The following THRB variants were observed in gnomAD, a reference collection of about 807,000 sequenced individuals.
THRB encodes nuclear receptor subfamily 1 group A member 2.
THRB carries 12 observed loss-of-function variants against 47.8 expected under a neutral mutation model. The observed-to-expected ratio is 0.25, with a 90% confidence interval of 0.16 to 0.41. The LOEUF (loss-of-function observed/expected upper bound fraction) is 0.41, where lower values mean the gene tolerates loss of function less well. Among genes scored for constraint, THRB ranks in the 10% least tolerant of loss-of-function variants. The pLI, the probability that THRB is intolerant of heterozygous loss-of-function variation, is 1.00. For synonymous variants in THRB, 218 were observed against 212.2 expected (o/e 1.03, Z -0.24); for missense variants, 348 against 589.2 (o/e 0.59, Z 4.24).
At chr3:24,403,748 G>C (rs556903675) in intron 1 of THRB, among the ~76,000 whole-genome samples, 1 of 151,920 alleles carries the variant, frequency 6.6e-6, no homozygotes, top group Non-Finnish European at 1.5e-5. Flanking sequence ...TCCAAGTGAC[G>C]AAAGGGCAAG....
intron 10 of THRB, among the ~76,000 whole-genome samples, chr3:24,123,697 A>C (rs2032148237): frequency 6.6e-6 from 1 of 152,178 alleles, no homozygotes; most frequent in Admixed American, 6.5e-5. Flanking sequence ...GCCTTTAGTA[A>C]AATTGCTACC....
At chr3:24,387,678 A>G (rs1443627190) in intron 1 of THRB, among the ~76,000 whole-genome samples, 1 of 152,170 alleles carries the variant, frequency 6.6e-6, no homozygotes, top group Non-Finnish European at 1.5e-5. Flanking sequence ...GTGCATCATT[A>G]CATTCCATTA....
chr3:24,424,024 T>C (rs1196754584), intron 1 of THRB, among the ~76,000 whole-genome samples: 1 of 151,944 alleles, frequency 6.6e-6, no homozygotes, highest in Non-Finnish European at 1.5e-5. Flanking sequence ...TATAGTTCAG[T>C]TAACTTAAGA....
At chr3:24,201,952 A>G (rs562205018) in intron 4 of THRB, among the ~76,000 whole-genome samples, 1 of 152,296 alleles carries the variant, frequency 6.6e-6, no homozygotes, top group South Asian at 2.1e-4. Flanking sequence ...TTTTCATGAT[A>G]ACTCTATGAA....
chr3:24,383,520 C>A (rs886567867), intron 1 of THRB, among the ~76,000 whole-genome samples: 41 of 152,076 alleles, frequency 2.7e-4, no homozygotes, highest in African/African-American at 9.9e-4. Context: ...AAAACTACTA[C>A]TTTCTTGTTG....
intron 4 of THRB, among the ~76,000 whole-genome samples, chr3:24,197,767 T>C (rs1325100863): frequency 1.3e-5 from 2 of 152,198 alleles, no homozygotes; most frequent in Non-Finnish European, 2.9e-5. Context: ...CTGGTTAGCA[T>C]CAAAGTTCTG....
At chr3:24,158,423 T>G (rs1408221877) in intron 5 of THRB, among the ~76,000 whole-genome samples, 1 of 92,070 alleles carries the variant, frequency 1.1e-5, no homozygotes, top group East Asian at 2.4e-4. Context: ...ATGATAACTT[T>G]TTTTTTTTTT....
At chr3:24,270,092 T>G (rs1033190751) in intron 3 of THRB, among the ~76,000 whole-genome samples, 3 of 152,206 alleles carry the variant, frequency 2.0e-5, no homozygotes, top group Admixed American at 2.0e-4. Context: ...TTTTATATTT[T>G]GAAAACATAA....
At chr3:24,342,791 T>G (rs1327465409) in intron 1 of THRB, among the ~76,000 whole-genome samples, 1 of 151,904 alleles carries the variant, frequency 6.6e-6, no homozygotes, top group Non-Finnish European at 1.5e-5. Flanking sequence ...GGCCTGAAGG[T>G]TAGAAAGGGC....
chr3:24,405,303 A>G (rs1372825338), intron 1 of THRB, among the ~76,000 whole-genome samples: 4 of 151,938 alleles, frequency 2.6e-5, no homozygotes, highest in Non-Finnish European at 5.9e-5. Context: ...TCCTATTTTC[A>G]CAAATAAAGT....
chr3:24,284,490 C>G (rs200018069), intron 3 of THRB, among the ~76,000 whole-genome samples: 4 of 151,906 alleles, frequency 2.6e-5, no homozygotes, highest in South Asian at 4.1e-4. Context: ...AGAAGAAAAC[C>G]TAGGCATTGC....
chr3:24,260,981 G>A (rs1329255944), intron 3 of THRB, among the ~76,000 whole-genome samples: 9 of 152,198 alleles, frequency 5.9e-5, no homozygotes, highest in Non-Finnish European at 1.3e-4. Context: ...GGAAGGGCCT[G>A]AAAATTAGCA....
intron 2 of THRB, among the ~76,000 whole-genome samples, chr3:24,298,309 C>T (rs1322946107): frequency 6.6e-6 from 1 of 152,196 alleles, no homozygotes; most frequent in Non-Finnish European, 1.5e-5. Context: ...CCCCTACAAT[C>T]CCTCCCTTCT....
At chr3:24,197,558 T>C (rs891108101) in intron 4 of THRB, among the ~76,000 whole-genome samples, 3 of 152,190 alleles carry the variant, frequency 2.0e-5, no homozygotes, top group Non-Finnish European at 1.5e-5. Flanking sequence ...AATGTATCCA[T>C]CTCTTAATCT....
At chr3:24,129,870 G>T (rs1474004765) in intron 9 of THRB, among the ~76,000 whole-genome samples, 1 of 152,220 alleles carries the variant, frequency 6.6e-6, no homozygotes. Flanking sequence ...TAGATCTTGT[G>T]AAGCCCCTGG....
intron 1 of THRB, among the ~76,000 whole-genome samples, chr3:24,386,058 A>G (rs1201659034): frequency 6.6e-6 from 1 of 152,112 alleles, no homozygotes; most frequent in Admixed American, 6.6e-5. Context: ...AATAACCTCA[A>G]CTCGAATCCA....
chr3:24,356,242 T>G (rs955694883), intron 1 of THRB, among the ~76,000 whole-genome samples: 1 of 152,098 alleles, frequency 6.6e-6, no homozygotes, highest in African/African-American at 2.4e-5. Flanking sequence ...TCTGGTCCAC[T>G]GGTGTGGTGG....
At chr3:24,157,416 C>T (rs977255642) in intron 5 of THRB, among the ~76,000 whole-genome samples, 1 of 151,962 alleles carries the variant, frequency 6.6e-6, no homozygotes, top group Non-Finnish European at 1.5e-5. Context: ...GCCAAAGGAC[C>T]CTGGATTCTC....
intron 1 of THRB, among the ~76,000 whole-genome samples, chr3:24,412,566 C>T (rs2068397964): frequency 6.6e-6 from 1 of 151,768 alleles, no homozygotes; most frequent in Admixed American, 6.6e-5. Context: ...AAATTAAATG[C>T]ACTGGCTCTC....
Sources: gnomAD v4.1 joint callset for allele counts (sites outside exome capture counted in the v4.1 genomes callset) on GRCh38, gnomAD v4.1.1 for gene constraint, MANE v1.5 for transcripts, NCBI Gene and HGNC (gene_info 2026-07-23, HGNC 2026-07-21) for gene names.